ROR1: variants seen among roughly 807,000 people sequenced by gnomAD.
ROR1 encodes ROR family WNT receptor 1.
In ROR1, 19 loss-of-function variants were observed where a neutral mutation model predicts 78.8. The ratio of observed to expected loss-of-function variants is 0.24; its 90% CI spans 0.17 to 0.35. The LOEUF (loss-of-function observed/expected upper bound fraction) is 0.35, where lower values mean the gene tolerates loss of function less well. ROR1 is among the 10% of genes least tolerant of loss of function. The probability of loss-of-function intolerance (pLI) is 1.00; values close to 1 mark genes in which losing one functional copy is unlikely to be tolerated. For missense variants in ROR1, 917 were observed against 1,177.8 expected (o/e 0.78, Z 3.24); for synonymous variants, 386 against 433.6 (o/e 0.89, Z 1.36).
chr1:63,902,361 A>G (rs1458980503), intron 1 of ROR1, among the ~76,000 whole-genome samples: 1 of 151,072 alleles, frequency 6.6e-6, no homozygotes, highest in Non-Finnish European at 1.5e-5. Flanking sequence ...TCTGTTGCCC[A>G]GGCAGGAGGG....
chr1:63,803,184 C>T (rs1644806654), intron 1 of ROR1, among the ~76,000 whole-genome samples: 1 of 152,102 alleles, frequency 6.6e-6, no homozygotes, highest in African/African-American at 2.4e-5. Flanking sequence ...ATACAAGCCT[C>T]TAATACTTTG....
At chr1:63,940,709 G>A (rs963554985) in intron 1 of ROR1, among the ~76,000 whole-genome samples, 4 of 152,160 alleles carry the variant, frequency 2.6e-5, no homozygotes, top group Admixed American at 6.5e-5. Flanking sequence ...AGAGAGAGGG[G>A]TTGATAAGGA....
chr1:63,961,469 A>G (rs1049746382), intron 1 of ROR1, among the ~76,000 whole-genome samples: 1 of 152,238 alleles, frequency 6.6e-6, no homozygotes, highest in Non-Finnish European at 1.5e-5. Context: ...AATAATGAAA[A>G]TGTGGTACAT....
intron 4 of ROR1, among the ~76,000 whole-genome samples, chr1:64,115,025 TGC>T (rs1412764608): frequency 6.6e-6 from 1 of 152,158 alleles, no homozygotes; most frequent in Admixed American, 6.5e-5. Flanking sequence ...ATTGCAGTGG[TGC>T]GATCATGGCT....
chr1:63,956,571 A>G (rs1281709548), intron 1 of ROR1, among the ~76,000 whole-genome samples: 1 of 152,176 alleles, frequency 6.6e-6, no homozygotes, highest in Non-Finnish European at 1.5e-5. Flanking sequence ...AAATTCCCTT[A>G]ATTCCCACTA....
At chr1:63,945,092 C>T (rs1479561163) in intron 1 of ROR1, among the ~76,000 whole-genome samples, 6 of 151,778 alleles carry the variant, frequency 4.0e-5, no homozygotes, top group Non-Finnish European at 5.9e-5. Context: ...AACATCCAGG[C>T]GATAATATAT....
chr1:63,982,049 G>A (rs774081381), intron 1 of ROR1, among the ~76,000 whole-genome samples: 1 of 151,938 alleles, frequency 6.6e-6, no homozygotes, highest in African/African-American at 2.4e-5. Flanking sequence ...CTAATAATTG[G>A]CAACAAGCAC....
At chr1:64,054,285 G>C (rs1313049004) in intron 4 of ROR1, among the ~76,000 whole-genome samples, 1 of 150,852 alleles carries the variant, frequency 6.6e-6, no homozygotes, top group East Asian at 2.0e-4. Flanking sequence ...TGTCATTCTT[G>C]CTTTTTTTTT....
chr1:63,944,105 T>TCCACAGATATATATATAATATATATA (rs1484041991), intron 1 of ROR1, among the ~76,000 whole-genome samples: 3 of 152,208 alleles, frequency 2.0e-5, no homozygotes, highest in African/African-American at 7.2e-5. Context: ...AGATTATACC[T>TCCACAGATATATATATAATATATATA]TAAATTCCAC....
chr1:63,846,509 G>A (rs1455241111), intron 1 of ROR1, among the ~76,000 whole-genome samples: 1 of 152,084 alleles, frequency 6.6e-6, no homozygotes, highest in Non-Finnish European at 1.5e-5. Context: ...ATAGATGTAG[G>A]TTTCCCAACC....
At chr1:64,164,166 C>CTCTAG (rs576496555) in intron 8 of ROR1, among the ~76,000 whole-genome samples, 20 of 152,262 alleles carry the variant, frequency 1.3e-4, no homozygotes, top group African/African-American at 4.6e-4. Flanking sequence ...CTGATTTCAT[C>CTCTAG]CTCTGGCATT....
At chr1:63,840,528 C>T (rs4915930) in intron 1 of ROR1, among the ~76,000 whole-genome samples, 22,844 of 152,002 alleles carry the variant, frequency 0.15, 2,224 homozygotes, top group Non-Finnish European at 0.21. Flanking sequence ...GTGATCTGCC[C>T]GCCTTGGCAT....
At chr1:64,071,287 C>T (rs898850505) in intron 4 of ROR1, among the ~76,000 whole-genome samples, 3 of 151,964 alleles carry the variant, frequency 2.0e-5, no homozygotes, top group East Asian at 1.9e-4. Flanking sequence ...GGCATCTGTG[C>T]GGAGGGTGGA....
Position 63,774,586 on chromosome 1 carries a change from G to C in ROR1, c.91+78G>C. 4 of 794,542 alleles carry C rather than the reference G, an allele frequency of 5.0e-6. No individual in the cohort carries two copies. Among genetic ancestry groups the C allele is most frequent in the Non-Finnish European group, 6.2e-6 (4 of 644,128 alleles). 49.2% of individuals were successfully genotyped at this position (794,542 alleles called of 1,614,324 possible). ...CCCTTCCGCCGTCCAGCCGGGCGCG[G>C]GACACGCAGGAAGCGCCGCGCTGGC... On this transcript the variant is annotated intron_variant, in intron 1 of 8. Transcript: ENST00000371079. The surrounding 1 kb of genome is among the most constrained non-coding windows in gnomAD (Gnocchi z 5.7).
intron 1 of ROR1, among the ~76,000 whole-genome samples, chr1:63,998,058 C>G (rs1310601242): frequency 6.6e-6 from 1 of 152,080 alleles, no homozygotes; most frequent in Non-Finnish European, 1.5e-5. Context: ...TGTGTTTGAA[C>G]AACACAAAGC....
intron 1 of ROR1, among the ~76,000 whole-genome samples, chr1:63,775,056 C>A (rs1644606398): frequency 6.6e-6 from 1 of 152,154 alleles, no homozygotes; most frequent in Admixed American, 6.5e-5. Flanking sequence ...CCCGGCCCTC[C>A]GGCCCTCCCG....
At position 64,073,299 on chromosome 1, in the gene ROR1, A is replaced by G. The variant is rs1321511507; in HGVS notation, c.482+22583A>G. 2.6e-5 allele frequency among the ~76,000 whole-genome samples: 4 copies of G among 152,086 alleles called. No homozygotes were observed. In the East Asian group the frequency reaches 5.8e-4, roughly 22 times the overall value. On this transcript the variant is annotated intron_variant, in intron 4 of 8. Coordinates refer to ENST00000371079, the MANE Select transcript of ROR1 (RefSeq NM_005012.4). ...CTTGCCCAATCAGTCAGAAGATCCA[A>G]CTACTCCTCTGTGTGCCCCTTCCTG... is the stretch of plus-strand genomic sequence containing the variant.
chr1:63,802,158 T>C (rs1644801517), intron 1 of ROR1, among the ~76,000 whole-genome samples: 1 of 152,252 alleles, frequency 6.6e-6, no homozygotes, highest in Non-Finnish European at 1.5e-5. Flanking sequence ...ATTTAAATTC[T>C]GTAAAGTACA....
intron 2 of ROR1, among the ~76,000 whole-genome samples, chr1:64,013,370 C>T (rs1160160221): frequency 6.6e-6 from 1 of 152,170 alleles, no homozygotes; most frequent in East Asian, 1.9e-4. Context: ...ACAAGATTCT[C>T]CATGGTCTTA....
Sources: gnomAD v4.1 joint callset for allele counts (sites outside exome capture counted in the v4.1 genomes callset) on GRCh38, gnomAD v4.1.1 for gene constraint, Gnocchi (gnomAD v3.1) non-coding constraint, MANE v1.5 for transcripts, NCBI Gene and HGNC (gene_info 2026-07-23, HGNC 2026-07-21) for gene names.